Variants in RAB38 observed in about 807,000 individuals in gnomAD.
RAB38 encodes the protein RAB38, member RAS oncogene family, also known as ras-related protein Rab-38.
In RAB38, 15 loss-of-function variants were observed where a neutral mutation model predicts 18.4. The observed-to-expected ratio is 0.82, with a 90% CI of 0.55 to 1.26. The LOEUF (loss-of-function observed/expected upper bound fraction) is 1.26. RAB38 is among the 50% of genes most tolerant of loss of function. RAB38 has a pLI of 0.00. For missense variants in RAB38, 294 were observed against 267.4 expected, an observed-to-expected ratio of 1.10 and a Z score of -0.69; for synonymous variants, 101 against 104.4, an observed-to-expected ratio of 0.97 and a Z score of 0.20.
At chr11:87,972,528 T>C in the RAB38 span, among the ~76,000 whole-genome samples, 2 of 152,034 alleles carry the variant, frequency 1.3e-5, no homozygotes, top group African/African-American at 4.8e-5. Context: ...TCTTGTTTTT[T>C]TTCCACATTA....
the RAB38 span, among the ~76,000 whole-genome samples, chr11:87,972,388 A>T: frequency 1.3e-5 from 2 of 152,220 alleles, no homozygotes; most frequent in East Asian, 3.9e-4. Context: ...AGTGGGGATA[A>T]TCAGAATATA....
chr11:88,130,162 G>A (rs907033096), intron 2 of RAB38, among the ~76,000 whole-genome samples: 12 of 152,124 alleles, frequency 7.9e-5, no homozygotes, highest in African/African-American at 2.9e-4. Context: ...AGGACAGGAA[G>A]CTCAGAAACA....
the RAB38 span, among the ~76,000 whole-genome samples, chr11:88,070,158 A>G: frequency 7.3e-3 from 1,109 of 152,224 alleles, 15 homozygotes; most frequent in African/African-American, 0.025. Context: ...TGTAACACTC[A>G]CCACGAAGGT....
chr11:88,027,564 GATT>G, the RAB38 span, among the ~76,000 whole-genome samples: 1 of 152,244 alleles, frequency 6.6e-6, no homozygotes, highest in Non-Finnish European at 1.5e-5. Context: ...CGCACCAGGA[GATT>G]ATATCCCGCA....
chr11:87,900,816 AAG>A, the RAB38 span, among the ~76,000 whole-genome samples: 1 of 151,284 alleles, frequency 6.6e-6, no homozygotes, highest in African/African-American at 2.4e-5. Context: ...TAAAGCAAAA[AAG>A]GAAAGAAATG....
At chr11:88,005,040 A>T in the RAB38 span, among the ~76,000 whole-genome samples, 1 of 151,400 alleles carries the variant, frequency 6.6e-6, no homozygotes, top group Non-Finnish European at 1.5e-5. Context: ...AATTTCATAA[A>T]ATGTAAATTT....
At chr11:88,029,874 C>G in the RAB38 span, among the ~76,000 whole-genome samples, 1 of 152,108 alleles carries the variant, frequency 6.6e-6, no homozygotes, top group Non-Finnish European at 1.5e-5. Flanking sequence ...CTGCACCAAG[C>G]AGACCTAATA....
chr11:87,838,290 AT>A, the RAB38 span, among the ~76,000 whole-genome samples: 1 of 151,648 alleles, frequency 6.6e-6, no homozygotes, highest in African/African-American at 2.4e-5. Flanking sequence ...AATTTTTTGT[AT>A]TTTTAGTAGA....
Position 88,114,007 on chromosome 11 carries a change from G to C in RAB38, c.617C>G (p.Ser206Cys), listed in dbSNP as rs1294255857. The C allele has an allele frequency of 1.8e-5, 29 of 1,614,052 alleles. No individual in the cohort carries two copies. Among genetic ancestry groups the C allele is most frequent in the Non-Finnish European group, 2.4e-5 (28 of 1,180,028 alleles). ...TGCCTACTAGGATTTGGCACAGCCA[G>C]AGCAGCTGGCAACCTTGGTTGATGT... ...HLTSTKVASC[S>C]GCAKS The change falls in exon 3 of 3, where the codon TCT becomes TGT. Residue 206 changes from serine (S) to cysteine (C), a missense_variant. Coordinates refer to ENST00000243662, the MANE Select transcript of RAB38 (RefSeq NM_022337.3).
At chr11:88,042,870 C>T in the RAB38 span, among the ~76,000 whole-genome samples, 1 of 152,130 alleles carries the variant, frequency 6.6e-6, no homozygotes, top group African/African-American at 2.4e-5. Context: ...CATGACTTGG[C>T]TCATAGGCTG....
chr11:88,167,200 G>C (rs1237565617), intron 1 of RAB38: 1 of 152,092 alleles, frequency 6.6e-6, no homozygotes, highest in East Asian at 1.9e-4. Flanking sequence ...GTTAACAAGA[G>C]GAAGGTGTTT....
the RAB38 span, among the ~76,000 whole-genome samples, chr11:88,088,434 C>A: frequency 6.6e-6 from 1 of 151,812 alleles, no homozygotes; most frequent in African/African-American, 2.4e-5. Flanking sequence ...CTTAACAATA[C>A]CTGATAAGGG....
At chr11:87,918,368 CTACA>C in the RAB38 span, among the ~76,000 whole-genome samples, 1 of 152,100 alleles carries the variant, frequency 6.6e-6, no homozygotes, top group Non-Finnish European at 1.5e-5. Flanking sequence ...GATCTCTCTT[CTACA>C]TACTGATTTC....
At chr11:88,023,030 A>G in the RAB38 span, among the ~76,000 whole-genome samples, 4 of 152,144 alleles carry the variant, frequency 2.6e-5, no homozygotes, top group East Asian at 7.7e-4. Context: ...GGAGAGGATC[A>G]GGAAAAAGAA....
At chr11:87,838,124 T>A in the RAB38 span, among the ~76,000 whole-genome samples, 5 of 142,816 alleles carry the variant, frequency 3.5e-5, no homozygotes, top group East Asian at 2.0e-4. Context: ...TTTTTATTTT[T>A]TTTTTTTTGA....
At chr11:87,840,759 A>G in the RAB38 span, among the ~76,000 whole-genome samples, 1 of 152,226 alleles carries the variant, frequency 6.6e-6, no homozygotes, top group South Asian at 2.1e-4. Context: ...TAAGACATAT[A>G]GAAATCTGAC....
chr11:87,948,534 G>T, the RAB38 span, among the ~76,000 whole-genome samples: 4 of 150,132 alleles, frequency 2.7e-5, no homozygotes, highest in African/African-American at 4.9e-5. Context: ...CTGTGGGTTT[G>T]TCATAGATAG....
the RAB38 span, among the ~76,000 whole-genome samples, chr11:88,021,707 C>T: frequency 6.6e-6 from 1 of 151,090 alleles, no homozygotes; most frequent in South Asian, 2.1e-4. Flanking sequence ...CCTCATGCCT[C>T]AGCCTTTCAA....
the RAB38 span, among the ~76,000 whole-genome samples, chr11:87,827,335 T>G: frequency 1.3e-5 from 2 of 151,982 alleles, no homozygotes; most frequent in Non-Finnish European, 2.9e-5. Flanking sequence ...ATCTTGTGGA[T>G]CTCAAGGGTC....
Sources: gnomAD v4.1 joint callset for allele counts (sites outside exome capture counted in the v4.1 genomes callset) on GRCh38, gnomAD v4.1.1 for gene constraint, MANE v1.5 for transcripts, NCBI Gene and HGNC (gene_info 2026-07-23, HGNC 2026-07-21) for gene names.